The following PUM2 variants were observed in gnomAD, a reference collection of about 807,000 sequenced individuals.
PUM2 encodes the protein pumilio homolog 2.
Under a neutral mutation model 124.5 loss-of-function variants are expected in PUM2, and 57 were observed. That is an observed-to-expected ratio of 0.46 (90% CI 0.37 to 0.57). The LOEUF (loss-of-function observed/expected upper bound fraction) is 0.57. Ranked by LOEUF, PUM2 falls within the 20% of genes least tolerant of loss-of-function variation. The pLI is 0.00. For synonymous variants in PUM2, 460 were observed against 446.1 expected (o/e 1.03, Z -0.39); for missense variants, 1,065 against 1,290.6 (o/e 0.83, Z 2.68).
Position 20,350,635 on chromosome 2 carries a change from G to C in PUM2, c.-57C>G, listed in dbSNP as rs902440199. The C allele has an allele frequency of 4.1e-6, 4 of 985,320 alleles. No homozygotes were observed. The African/African-American group carries it at 5.2e-5, about 13-fold the overall frequency. The allele number at this position is 985,320 out of a possible 1,614,324, so 61.0% of individuals were successfully genotyped here. On this transcript the variant is annotated 5_prime_UTR_variant, in exon 1 of 21. Transcript: ENST00000361078. ...CCGCGCTGCCTCAGCCGGGGACACC[G>C]ACCGTTGGGCACACGGCGGCGTCGC...
upstream of PUM2, chr2:20,350,844 T>TCC: frequency 2.5e-6 from 2 of 800,540 alleles, no homozygotes; most frequent in Non-Finnish European, 3.0e-6. Flanking sequence ...TGCCCTCCCC[T>TCC]CCCCCCCGCC....
chr2:20,288,268 A>G (rs889558918), intron 10 of PUM2, among the ~76,000 whole-genome samples: 1 of 152,216 alleles, frequency 6.6e-6, no homozygotes, highest in African/African-American at 2.4e-5. Context: ...TGAGAGGTGA[A>G]AAGGCTATGA....
chr2:20,269,055 C>T (rs1668398247), intron 13 of PUM2, among the ~76,000 whole-genome samples: 1 of 152,000 alleles, frequency 6.6e-6, no homozygotes, highest in African/African-American at 2.4e-5. Flanking sequence ...TTTTGTTTAC[C>T]ATTATGTCTA....
intron 7 of PUM2, among the ~76,000 whole-genome samples, chr2:20,298,359 C>T (rs552285765): frequency 1.3e-5 from 2 of 152,242 alleles, no homozygotes; most frequent in South Asian, 2.1e-4. Context: ...CCAGTCAATA[C>T]GGAAACAAGA....
chr2:20,336,357 G>C (rs1037132231), intron 1 of PUM2, among the ~76,000 whole-genome samples: 4 of 151,832 alleles, frequency 2.6e-5, no homozygotes, highest in Non-Finnish European at 4.4e-5. Flanking sequence ...ACTAATTTTT[G>C]TATTTTTTGT....
At chr2:20,279,958 T>C (rs551617647) in intron 12 of PUM2, among the ~76,000 whole-genome samples, 3 of 152,242 alleles carry the variant, frequency 2.0e-5, no homozygotes, top group South Asian at 2.1e-4. Flanking sequence ...ACCTGCCAAA[T>C]ACATTTTTAA....
At chr2:20,344,640 C>T (rs992447458) in intron 1 of PUM2, among the ~76,000 whole-genome samples, 2 of 152,122 alleles carry the variant, frequency 1.3e-5, no homozygotes, top group African/African-American at 2.4e-5. Flanking sequence ...ATCCCTCTGG[C>T]TGAATGCCAC....
chr2:20,343,564 A>C (rs544617244), intron 1 of PUM2, among the ~76,000 whole-genome samples: 6 of 152,338 alleles, frequency 3.9e-5, no homozygotes, highest in African/African-American at 1.4e-4. Flanking sequence ...GAAAGAAATC[A>C]TACCAAACCC....
Position 20,308,010 on chromosome 2 carries a change from T to C in PUM2, c.851A>G (p.Tyr284Cys), listed in dbSNP as rs1170650005. The C allele has an allele frequency of 6.2e-7, 1 of 1,613,308 alleles. No homozygotes were observed. Among genetic ancestry groups the C allele is most frequent in the African/African-American group, 1.3e-5 (1 of 74,932 alleles). The change falls in exon 7 of 21, where the codon TAT (tyrosine) becomes TGT (cysteine). Residue 284 changes from tyrosine (Y) to cysteine (C), a missense_variant. Tyr to Cys is a radical substitution (Grantham distance 194). This residue lies in a region of PUM2 where 968 missense variants were observed against 1,159.8 expected (regional missense o/e 0.83). Coordinates refer to ENST00000361078, the MANE Select transcript of PUM2 (RefSeq NM_015317.5). ...QQLTAAQQQQ[Y>C]ALAAAQQPHI... ...TGGCTGCTGAGCTGCTGCTAATGCA[T>C]ATTGCTGCTGTTGAGCTGCAGTTAA...
At chr2:20,285,189 C>A (rs1190729238) in intron 10 of PUM2, among the ~76,000 whole-genome samples, 4 of 152,196 alleles carry the variant, frequency 2.6e-5, no homozygotes. Flanking sequence ...ACAGTCAACT[C>A]AACTCTGAAG....
Position 20,254,028 on chromosome 2 carries a change from C to T in PUM2, c.2871-14G>A. The T allele has an allele frequency of 6.3e-7, 1 of 1,588,190 alleles. No individual in the cohort carries two copies. On this transcript the variant is annotated splice_polypyrimidine_tract_variant and intron_variant, in intron 19 of 20. Transcript: ENST00000361078. ...TCTACTACATTGCTAAAAATTAAAG[C>T]AGATAAACAAAGATTTGTTATTTTT...
intron 7 of PUM2, among the ~76,000 whole-genome samples, chr2:20,301,775 T>C (rs1677042369): frequency 6.6e-6 from 1 of 152,148 alleles, no homozygotes; most frequent in Non-Finnish European, 1.5e-5. Flanking sequence ...GACAGGGTTT[T>C]GCCTATTGCT....
In PUM2 at chr2:20,266,358, T is replaced by A. The variant is rs575094188; in HGVS notation, c.1958-2898A>T. Among the ~76,000 whole-genome samples, 21 of 151,922 alleles carry A rather than the reference T, an allele frequency of 1.4e-4. No homozygotes were observed. In the South Asian group the frequency reaches 4.2e-3, roughly 30 times the overall value. On this transcript the variant is annotated intron_variant, in intron 13 of 20. Transcript: ENST00000361078. ...CTTGGGGAGGGTGAGGTTGCGAGGA[T>A]CGCTTGAGCCTGGGAGGCAGAGGTT... is the stretch of plus-strand genomic sequence containing the variant.
chr2:20,269,839 A>G (rs1668617544), intron 13 of PUM2, among the ~76,000 whole-genome samples: 1 of 152,242 alleles, frequency 6.6e-6, no homozygotes, highest in Non-Finnish European at 1.5e-5. Context: ...ACTTAAAAAA[A>G]TAAAGGGCAG....
intron 13 of PUM2, among the ~76,000 whole-genome samples, chr2:20,268,816 A>T (rs946401553): frequency 2.6e-5 from 4 of 152,102 alleles, no homozygotes; most frequent in African/African-American, 9.7e-5. Context: ...AGAATTTAAA[A>T]TTTTTTGTAT....
At chr2:20,338,521 CCTT>C (rs1686584989) in intron 1 of PUM2, among the ~76,000 whole-genome samples, 1 of 152,218 alleles carries the variant, frequency 6.6e-6, no homozygotes, top group Admixed American at 6.5e-5. Context: ...CCCAAACAAT[CCTT>C]CTCTTAATTC....
At chr2:20,316,561 C>T (rs1055463801) in intron 3 of PUM2, among the ~76,000 whole-genome samples, 3 of 151,324 alleles carry the variant, frequency 2.0e-5, no homozygotes, top group Non-Finnish European at 2.9e-5. Flanking sequence ...TCAGATTTTA[C>T]TAACTGGAAA....
intron 7 of PUM2, among the ~76,000 whole-genome samples, chr2:20,306,996 C>A (rs1208934631): frequency 1.3e-5 from 2 of 151,916 alleles, no homozygotes; most frequent in Non-Finnish European, 2.9e-5. Flanking sequence ...GGGCTGATCA[C>A]CTGAGATCCG....
intron 7 of PUM2, among the ~76,000 whole-genome samples, chr2:20,302,933 C>T (rs1414028883): frequency 3.9e-5 from 6 of 152,208 alleles, no homozygotes; most frequent in Non-Finnish European, 5.9e-5. Flanking sequence ...ATTTCCACCA[C>T]GCTTCATACT....
Sources: allele counts gnomAD v4.1 joint callset (sites outside exome capture counted in the v4.1 genomes callset), GRCh38; gene constraint gnomAD v4.1.1; regional missense constraint gnomAD v4.1.1; transcripts MANE v1.5; gene names NCBI Gene and HGNC (gene_info 2026-07-23, HGNC 2026-07-21).